The following ATOSA variants were observed in gnomAD, a reference collection of about 807,000 sequenced individuals.
ATOSA encodes atos homolog protein A.
the ATOSA span, among the ~76,000 whole-genome samples, chr15:52,670,389 C>CA: frequency 2.6e-5 from 4 of 152,028 alleles, no homozygotes; most frequent in African/African-American, 4.8e-5. Flanking sequence ...GGTATTAGAG[C>CA]AAAAAACAAA....
At chr15:52,626,918 G>A in the ATOSA span, among the ~76,000 whole-genome samples, 1 of 152,126 alleles carries the variant, frequency 6.6e-6, no homozygotes, top group Admixed American at 6.5e-5. Flanking sequence ...CTTGAGGTTT[G>A]ATTCATGTCC....
the ATOSA span, among the ~76,000 whole-genome samples, chr15:52,613,515 G>T: frequency 6.6e-6 from 1 of 152,154 alleles, no homozygotes; most frequent in Non-Finnish European, 1.5e-5. Flanking sequence ...GAGAGCCAAG[G>T]TTATTAGCTA....
At chr15:52,605,164 G>A in the ATOSA span, 4 of 1,609,994 alleles carry the variant, frequency 2.5e-6, no homozygotes, top group Non-Finnish European at 1.7e-6. Context: ...TCCAGTTTGA[G>A]GATGAAAGGC....
chr15:52,658,755 A>G, the ATOSA span: 1 of 335,786 alleles, frequency 3.0e-6, no homozygotes, highest in South Asian at 1.5e-4. Context: ...GCTTGAGGAC[A>G]TGAGTTTAAG....
chr15:52,655,873 T>C, the ATOSA span, among the ~76,000 whole-genome samples: 1 of 152,148 alleles, frequency 6.6e-6, no homozygotes, highest in Non-Finnish European at 1.5e-5. Context: ...TCTGAATCTA[T>C]TTCTTTATTT....
the ATOSA span, among the ~76,000 whole-genome samples, chr15:52,592,547 C>T: frequency 2.0e-5 from 3 of 152,208 alleles, no homozygotes; most frequent in African/African-American, 7.2e-5. Flanking sequence ...GATCTTAAGG[C>T]TCAACACTAT....
At chr15:52,609,343 G>A in the ATOSA span, 4 of 1,613,774 alleles carry the variant, frequency 2.5e-6, no homozygotes, top group Non-Finnish European at 3.4e-6. Flanking sequence ...GTCTTCATAT[G>A]AACTCCTAAA....
chr15:52,666,213 G>A, the ATOSA span, among the ~76,000 whole-genome samples: 1 of 152,118 alleles, frequency 6.6e-6, no homozygotes, highest in African/African-American at 2.4e-5. Flanking sequence ...GACTTTGAAG[G>A]ATGTTAATGT....
At chr15:52,625,530 C>T in the ATOSA span, among the ~76,000 whole-genome samples, 1 of 152,120 alleles carries the variant, frequency 6.6e-6, no homozygotes, top group African/African-American at 2.4e-5. Flanking sequence ...AAGTGATCAA[C>T]TTATCAACTA....
the ATOSA span, chr15:52,658,389 C>T: frequency 7.5e-5 from 14 of 186,166 alleles, no homozygotes; most frequent in Admixed American, 3.7e-4. Context: ...TAGAGTCAAC[C>T]TTTCTGTCAA....
At chr15:52,661,952 A>C in the ATOSA span, among the ~76,000 whole-genome samples, 30 of 149,298 alleles carry the variant, frequency 2.0e-4, no homozygotes, top group African/African-American at 7.5e-4. Context: ...AAAAAAAAAA[A>C]CAGCAAAAAA....
At chr15:52,689,967 C>T in the ATOSA span, among the ~76,000 whole-genome samples, 2 of 152,172 alleles carry the variant, frequency 1.3e-5, no homozygotes, top group Admixed American at 1.3e-4. Context: ...TAAATGATGG[C>T]AATGATGGTC....
At chr15:52,680,547 C>T in the ATOSA span, among the ~76,000 whole-genome samples, 1 of 151,792 alleles carries the variant, frequency 6.6e-6, no homozygotes, top group East Asian at 1.9e-4. Context: ...TTTTTTTGGC[C>T]TCAGGTAAAG....
At chr15:52,623,180 G>A in the ATOSA span, among the ~76,000 whole-genome samples, 1 of 151,680 alleles carries the variant, frequency 6.6e-6, no homozygotes, top group South Asian at 2.1e-4. Context: ...GTTTAGAAAG[G>A]TGGTCAGGGA....
At chr15:52,638,990 GA>G in the ATOSA span, among the ~76,000 whole-genome samples, 1 of 138,112 alleles carries the variant, frequency 7.2e-6, no homozygotes, top group Non-Finnish European at 1.6e-5. Flanking sequence ...TGATTATGAA[GA>G]AAAAAAATTA....
chr15:52,648,619 C>T, the ATOSA span: 1 of 152,024 alleles, frequency 6.6e-6, no homozygotes, highest in Admixed American at 6.6e-5. Context: ...AAAAACAAAA[C>T]ACCTTCAAAA....
the ATOSA span, among the ~76,000 whole-genome samples, chr15:52,651,617 C>T: frequency 0.61 from 93,294 of 152,042 alleles, 30,384 homozygotes; most frequent in Non-Finnish European, 0.73. Context: ...GCACATTGTA[C>T]TTGGTTTCTT....
At chr15:52,662,552 C>T in the ATOSA span, among the ~76,000 whole-genome samples, 5 of 152,054 alleles carry the variant, frequency 3.3e-5, no homozygotes, top group African/African-American at 7.2e-5. Context: ...GGGCGGATCA[C>T]AAGGTCAGGA....
At chr15:52,705,474 T>G in the ATOSA span, among the ~76,000 whole-genome samples, 1 of 152,196 alleles carries the variant, frequency 6.6e-6, no homozygotes, top group Admixed American at 6.5e-5. Flanking sequence ...CTGCACGTTG[T>G]GCACATGTAC....
Sources: gnomAD v4.1 joint callset for allele counts (sites outside exome capture counted in the v4.1 genomes callset) on GRCh38, gnomAD v4.1.1 for gene constraint, MANE v1.5 for transcripts, NCBI Gene and HGNC (gene_info 2026-07-23, HGNC 2026-07-21) for gene names.